The following COX16 variants were observed in gnomAD, a reference collection of about 807,000 sequenced individuals.
COX16 encodes cytochrome c oxidase assembly protein COX16 homolog, mitochondrial.
Under a neutral mutation model 15.4 loss-of-function variants are expected in COX16, and 12 were observed. That is an observed-to-expected ratio of 0.78 (90% CI 0.50 to 1.26). The LOEUF (loss-of-function observed/expected upper bound fraction) is 1.26, where lower values mean the gene tolerates loss of function less well. COX16 is among the 50% of genes most tolerant of loss of function. The probability of loss-of-function intolerance (pLI) is 0.00; values close to 1 mark genes in which losing one functional copy is unlikely to be tolerated. For missense variants in COX16, 124 were observed against 127.6 expected, an observed-to-expected ratio of 0.97 and a Z score of 0.14; for synonymous variants, 46 against 41.1, an observed-to-expected ratio of 1.12 and a Z score of -0.46.
At position 70,326,438 on chromosome 14, in the gene COX16, G is replaced by A. The variant is rs951430655; in HGVS notation, c.216C>T (p.Asp72=). The change falls in exon 4 of 4, where the codon GAC becomes GAT. Residue 72 remains aspartate (D), a synonymous_variant. Transcript: ENST00000389912. ...TATTCTTCCAGTCATCAAACTTGGA[G>A]TCTTTGATTTTCTATAGAACCACAA... ...SLESEYEKIK[D]SKFDDWKNIR... The A allele has an allele frequency of 2.1e-5, 34 of 1,584,108 alleles. No individual in the cohort carries two copies. Among genetic ancestry groups the A allele is most frequent in the East Asian group, 6.8e-5 (3 of 43,982 alleles).
chr14:70,331,383 G>T (rs961474378), intron 2 of COX16, among the ~76,000 whole-genome samples: 2 of 151,914 alleles, frequency 1.3e-5, no homozygotes, highest in African/African-American at 4.8e-5. Context: ...TTATAATCTG[G>T]CATGCATAAA....
intron 1 of COX16, among the ~76,000 whole-genome samples, chr14:70,355,879 G>A (rs1887109360): frequency 6.6e-6 from 1 of 152,066 alleles, no homozygotes; most frequent in African/African-American, 2.4e-5. Context: ...GTGGTAATGA[G>A]TGAGTTCTCA....
intron 2 of COX16, among the ~76,000 whole-genome samples, chr14:70,336,480 T>A (rs549767145): frequency 5.3e-5 from 8 of 152,202 alleles, no homozygotes; most frequent in Non-Finnish European, 7.3e-5. Flanking sequence ...CTCCTTGGTT[T>A]CTGTATTGTG....
chr14:70,343,836 AGGGGAATTACAAT>A (rs1014277095), intron 1 of COX16, among the ~76,000 whole-genome samples: 2 of 152,230 alleles, frequency 1.3e-5, no homozygotes, highest in African/African-American at 4.8e-5. Context: ...TTATCAAGAC[AGGGGAATTACAAT>A]GGGGAATAAC....
At position 70,342,680 on chromosome 14, in the gene COX16, C is replaced by A. The variant is rs139410596; in HGVS notation, c.119G>T (p.Arg40Leu). The stretch of plus-strand genomic sequence containing the variant: ...TACTTTACTCTTCACAGCATCATAT[C>A]GGATTTGAGAAAACTCACGAAGACC... ...SFGLREFSQI[R>L]YDAVKSKMDP... Residue 40 changes from arginine to leucine, a missense_variant, in exon 2 of 4, where the codon CGA becomes CTA. Arg to Leu is a moderately radical substitution (Grantham distance 102). Transcript: ENST00000389912. The A allele has an allele frequency of 1.2e-5, 19 of 1,612,830 alleles. No individual in the cohort carries two copies. The highest frequency in any genetic ancestry group is 1.5e-5 in the Non-Finnish European group (18 of 1,179,736).
chr14:70,329,341 C>G, intron 2 of COX16, 105 bp from the exon 3 acceptor site: 12 of 917,870 alleles, frequency 1.3e-5, no homozygotes, highest in Non-Finnish European at 1.9e-5. Flanking sequence ...TAGCCAAATA[C>G]AAACACATGG....
At chr14:70,351,662 T>A (rs1002548961) in intron 1 of COX16, among the ~76,000 whole-genome samples, 5 of 152,202 alleles carry the variant, frequency 3.3e-5, no homozygotes, top group African/African-American at 1.2e-4. Flanking sequence ...TAGATTAAAG[T>A]ATATTGTATG....
chr14:70,334,197 G>A (rs1306455983), intron 2 of COX16, among the ~76,000 whole-genome samples: 1 of 152,154 alleles, frequency 6.6e-6, no homozygotes, highest in African/African-American at 2.4e-5. Context: ...AATAGTAACT[G>A]CAACAATTTG....
rs563446354 is a variant in COX16 at position 70,343,317 on chromosome 14, A to G, written c.70-588T>C. Among the ~76,000 whole-genome samples, 220 of 152,338 alleles carry G rather than the reference A, an allele frequency of 1.4e-3. 2 individuals are homozygous for G. The highest frequency in any genetic ancestry group is 5.5e-3 in the Admixed American group (84 of 15,302). On this transcript the variant is annotated intron_variant, in intron 1 of 3. Transcript: ENST00000389912. Reference sequence around the variant, plus strand: ...ACTCATTGCCCATATTGCAGAATGGAGCTCTCTCAACTTCTGGTTCTGAGT... The same window carrying G: ...ACTCATTGCCCATATTGCAGAATGGGGCTCTCTCAACTTCTGGTTCTGAGT...
chr14:70,334,921 A>C (rs1241335684), intron 2 of COX16, among the ~76,000 whole-genome samples: 2 of 152,220 alleles, frequency 1.3e-5, no homozygotes, highest in Non-Finnish European at 2.9e-5. Flanking sequence ...TCACTGAATT[A>C]AAATATAACA....
rs888263291 is a variant in COX16 at position 70,325,878 on chromosome 14, T to C, written c.*455A>G. ...ACTCTTAGCAGACTGTGATCATTTT[T>C]CTTTCCCTAATAGATATGAGAGAAA... is the stretch of plus-strand genomic sequence containing the variant. On this transcript the variant is annotated 3_prime_UTR_variant, in exon 4 of 4. Coordinates refer to ENST00000389912, the MANE Select transcript of COX16 (RefSeq NM_016468.7). 1 of 152,342 alleles carries C rather than the reference T, an allele frequency of 6.6e-6. No homozygotes were observed. The highest frequency in any genetic ancestry group is 2.4e-5 in the African/African-American group (1 of 41,472). 9.4% of individuals were successfully genotyped at this position (152,342 alleles called of 1,614,324 possible). A position where few individuals can be genotyped will look rare whatever the true frequency, so the allele number is the denominator to read the frequency against.
intron 2 of COX16, among the ~76,000 whole-genome samples, chr14:70,338,276 C>G (rs1886519126): frequency 6.6e-6 from 1 of 152,154 alleles, no homozygotes; most frequent in African/African-American, 2.4e-5. Flanking sequence ...CCACGCCTGG[C>G]TACTTTTTTC....
intron 2 of COX16, among the ~76,000 whole-genome samples, chr14:70,334,340 T>C (rs531470950): frequency 2.6e-5 from 4 of 152,130 alleles, no homozygotes; most frequent in Non-Finnish European, 5.9e-5. Flanking sequence ...CTGGTCAACA[T>C]GGCAAAACCC....
chr14:70,352,624 C>A (rs1886990166), intron 1 of COX16, among the ~76,000 whole-genome samples: 1 of 148,938 alleles, frequency 6.7e-6, no homozygotes. Flanking sequence ...TTTTCTAACA[C>A]AAATATATTT....
chr14:70,325,741 C>T lies in COX16; in HGVS notation c.*592G>A, dbSNP rs1254083438. On this transcript the variant is annotated 3_prime_UTR_variant, in exon 4 of 4. Coordinates refer to ENST00000389912, the MANE Select transcript of COX16 (RefSeq NM_016468.7). Reference sequence around the variant, plus strand: ...TCATACACTACTTCATAATTTTTGACAACCATAAATAATATAATTTCCTTG... The same window carrying T: ...TCATACACTACTTCATAATTTTTGATAACCATAAATAATATAATTTCCTTG... The T allele has an allele frequency of 6.6e-6, 1 of 152,130 alleles. No individual in the cohort carries two copies. Among genetic ancestry groups the T allele is most frequent in the African/African-American group, 2.4e-5 (1 of 41,430 alleles). The allele number at this position is 152,130 out of a possible 1,614,324, so 9.4% of individuals were successfully genotyped here. A position where few individuals can be genotyped will look rare whatever the true frequency, so the allele number is the denominator to read the frequency against.
At chr14:70,358,373 T>TA (rs1887195693) in intron 1 of COX16, among the ~76,000 whole-genome samples, 1 of 95,346 alleles carries the variant, frequency 1.0e-5, no homozygotes, top group African/African-American at 4.3e-5. Flanking sequence ...AAACAACAAT[T>TA]TTTTTTTTTT....
intron 2 of COX16, among the ~76,000 whole-genome samples, chr14:70,338,856 C>G (rs1016876758): frequency 9.2e-5 from 14 of 152,150 alleles, no homozygotes; most frequent in Non-Finnish European, 1.8e-4. Flanking sequence ...ACATTCCTGT[C>G]TCCACCATGC....
chr14:70,350,804 T>C (rs566404649), intron 1 of COX16, among the ~76,000 whole-genome samples: 4 of 152,232 alleles, frequency 2.6e-5, no homozygotes, highest in Non-Finnish European at 5.9e-5. Context: ...GGTTAATTCA[T>C]CTTTTTGTGC....
chr14:70,359,512 C>A lies in COX16; in HGVS notation c.69+7G>T. ...CCCTTGCGGAAGATCCTCCTCACTC[C>A]ACTCACCAACATGGGGACTCCATAG... On this transcript the variant is annotated splice_region_variant and intron_variant, in intron 1 of 3. Transcript: ENST00000389912. 1 of 1,613,202 alleles carries A rather than the reference C, an allele frequency of 6.2e-7. No individual in the cohort carries two copies. The highest frequency in any genetic ancestry group is 8.5e-7 in the Non-Finnish European group (1 of 1,179,172).
Sources: allele counts gnomAD v4.1 joint callset (sites outside exome capture counted in the v4.1 genomes callset), GRCh38; gene constraint gnomAD v4.1.1; transcripts MANE v1.5; gene names NCBI Gene and HGNC (gene_info 2026-07-23, HGNC 2026-07-21).